SOS1: variants seen among roughly 807,000 people sequenced by gnomAD.
SOS1 encodes SOS Ras/Rac guanine nucleotide exchange factor 1, also known as son of sevenless homolog 1.
In SOS1, 25 loss-of-function variants were observed where a neutral mutation model predicts 157.6. That is an observed-to-expected ratio of 0.16 (90% CI 0.12 to 0.22). SOS1 has a LOEUF of 0.22. SOS1 is among the 10% of genes least tolerant of loss of function. The pLI, the probability that SOS1 is intolerant of heterozygous loss-of-function variation, is 1.00. For synonymous variants in SOS1, 528 were observed against 534.0 expected, an observed-to-expected ratio of 0.99 and a Z score of 0.16; for missense variants, 1,237 against 1,599.1, an observed-to-expected ratio of 0.77 and a Z score of 3.86.
chr2:39,020,286 G>A (rs973217985), intron 10 of SOS1, among the ~76,000 whole-genome samples: 1 of 151,654 alleles, frequency 6.6e-6, no homozygotes, highest in Admixed American at 6.6e-5. Context: ...CCACAGTGAA[G>A]TCTGAATAAA....
At chr2:38,995,813 GAT>G (rs530026408) in intron 19 of SOS1, among the ~76,000 whole-genome samples, 124 of 152,202 alleles carry the variant, frequency 8.1e-4, no homozygotes, top group African/African-American at 2.5e-3. Flanking sequence ...GACCATTTGA[GAT>G]ATTTACGAAT....
chr2:39,102,232 T>G (rs1160563832), intron 1 of SOS1, among the ~76,000 whole-genome samples: 56 of 18,298 alleles, frequency 3.1e-3, no homozygotes, highest in South Asian at 6.1e-3. Context: ...AAAAAAAAAG[T>G]GCCACTTTGT....
Position 38,989,299 on chromosome 2 carries a change from A to G in SOS1, c.3362T>C (p.Phe1121Ser). 1 of 1,607,216 alleles carries G rather than the reference A, an allele frequency of 6.2e-7. No individual in the cohort carries two copies. The highest frequency in any genetic ancestry group is 8.5e-7 in the Non-Finnish European group (1 of 1,174,022). ...GCCATGGGGCAGAGTAACTTGGATA[A>G]AGACGGTATCATTGCCTGTGAAAGG... ...SPFHSSNDTV[F>S]IQVTLPHGPR... is the part of the protein sequence containing the mutation. Residue 1121 changes from phenylalanine (F) to serine (S), a missense_variant, in exon 21 of 23, where the codon TTT (phenylalanine) becomes TCT (serine). By Grantham distance (155) the Phe-to-Ser change is radical. Around this residue, in one of 15 missense-constraint regions of SOS1, gnomAD observed 306 missense variants for 322.6 expected, o/e 0.95. Transcript: ENST00000402219.
intron 1 of SOS1, among the ~76,000 whole-genome samples, chr2:39,079,814 C>T (rs1172135907): frequency 6.6e-6 from 1 of 152,038 alleles, no homozygotes; most frequent in African/African-American, 2.4e-5. Flanking sequence ...ATTTTTTAAC[C>T]TGTATGTTAG....
At chr2:39,023,665 C>T (rs1669870380) in intron 9 of SOS1, 1 of 268,132 alleles carries the variant, frequency 3.7e-6, no homozygotes, top group Non-Finnish European at 7.1e-6. Context: ...GAATTAATGC[C>T]TCAAGTTATA....
At chr2:39,120,239 G>A in intron 1 of SOS1, 97 bp downstream of exon 1, 1 of 1,117,244 alleles carries the variant, frequency 9.0e-7, no homozygotes, top group South Asian at 1.8e-5. Context: ...AGACCGGGAA[G>A]AAAGACGGCC....
rs141953964 is a variant in SOS1 at position 39,024,278 on chromosome 2, A to C, written c.1075-141T>G. The C allele has an allele frequency of 4.0e-6, 3 of 745,548 alleles. No homozygotes were observed. In the African/African-American group the frequency reaches 5.3e-5, roughly 13 times the overall value. 46.2% of individuals were successfully genotyped at this position (745,548 alleles called of 1,614,324 possible). A position where few individuals can be genotyped will look rare whatever the true frequency, so the allele number is the denominator to read the frequency against. ...TGTGTCATCAAATATTCTTTTTAAA[A>C]GTGTTTTTCTTGTGTGTTACTATTA... On this transcript the variant is annotated intron_variant, in intron 8 of 22. Coordinates refer to ENST00000402219, the MANE Select transcript of SOS1 (RefSeq NM_005633.4).
chr2:39,023,076 G>C lies in SOS1; in HGVS notation c.1352C>G (p.Thr451Arg), dbSNP rs730880218. 8 of 1,613,668 alleles carry C rather than the reference G, an allele frequency of 5.0e-6. No individual in the cohort carries two copies. In the Admixed American group the frequency reaches 1.0e-4, roughly 20 times the overall value. ...CNEFIMEGTL[T>R]RVGAKHERHI... ...TCTCTCATGTTTGGCTCCTACACGT[G>C]TAAGAGTTCCTTCCATTATAAATTC... The change falls in exon 10 of 23, where the codon ACA (threonine) becomes AGA (arginine). Residue 451 changes from threonine to arginine, a missense_variant. Around this residue, in one of 15 missense-constraint regions of SOS1, gnomAD observed 210 missense variants for 220.2 expected, o/e 0.95. Coordinates refer to ENST00000402219, the MANE Select transcript of SOS1 (RefSeq NM_005633.4).
At chr2:39,015,687 A>G (rs1280639170) in intron 10 of SOS1, among the ~76,000 whole-genome samples, 2 of 151,806 alleles carry the variant, frequency 1.3e-5, no homozygotes, top group African/African-American at 4.8e-5. Context: ...AGCACAAGAG[A>G]CTTGGGCTGT....
chr2:39,048,325 T>A (rs575740330), intron 6 of SOS1, among the ~76,000 whole-genome samples: 1 of 152,240 alleles, frequency 6.6e-6, no homozygotes, highest in East Asian at 1.9e-4. Context: ...TTAACCTCTG[T>A]TGTTAAAGAG....
intron 1 of SOS1, among the ~76,000 whole-genome samples, chr2:39,096,713 G>A (rs1356795261): frequency 1.3e-5 from 2 of 151,940 alleles, no homozygotes; most frequent in African/African-American, 4.8e-5. Flanking sequence ...GTGAAACCCC[G>A]TCTCTACTAA....
chr2:39,089,745 T>A (rs72906454), intron 1 of SOS1, among the ~76,000 whole-genome samples: 5,350 of 152,080 alleles, frequency 0.035, 303 homozygotes, highest in African/African-American at 0.11. Flanking sequence ...GGTACTAGTA[T>A]AGTCAATCAA....
chr2:39,032,434 T>A (rs1670194083), intron 8 of SOS1, among the ~76,000 whole-genome samples: 1 of 152,232 alleles, frequency 6.6e-6, no homozygotes, highest in African/African-American at 2.4e-5. Flanking sequence ...ATATAAAATT[T>A]ACAGTTAAAC....
At chr2:39,121,366 G>C (rs553589502), upstream of SOS1, among the ~76,000 whole-genome samples, 1 of 152,300 alleles carries the variant, frequency 6.6e-6, no homozygotes, top group African/African-American at 2.4e-5. Context: ...CTTTGTTCCT[G>C]AACACGAAGA....
intron 20 of SOS1, among the ~76,000 whole-genome samples, chr2:38,991,499 A>G (rs1388357820): frequency 6.6e-6 from 1 of 152,196 alleles, no homozygotes; most frequent in African/African-American, 2.4e-5. Flanking sequence ...TCTCCTCTCT[A>G]TTATAGCAGC....
intron 11 of SOS1, 33 bp from the exon 12 acceptor site, chr2:39,014,022 C>G (rs1490568565): frequency 2.6e-6 from 4 of 1,519,888 alleles, no homozygotes; most frequent in Non-Finnish European, 3.6e-6. Context: ...AATGAAAAGA[C>G]TAATTATATC....
chr2:39,051,009 G>A (rs1358401496), intron 6 of SOS1, 135 bp downstream of exon 6: 1 of 822,764 alleles, frequency 1.2e-6, no homozygotes, highest in African/African-American at 1.7e-5. Flanking sequence ...ATGACCCTAT[G>A]AAAAAGGAGC....
Position 39,090,638 on chromosome 2 carries a change from T to C in SOS1, c.88-22885A>G, listed in dbSNP as rs184071296. Among the ~76,000 whole-genome samples the C allele has an allele frequency of 1.5e-3, 222 of 152,110 alleles. 1 individual carries two copies. The highest frequency in any genetic ancestry group is 4.6e-3 in the African/African-American group (192 of 41,544). ...TTGAACCTGGGAGGTGGAGGTTGCA[T>C]TGAGCCCAGATCGCGCCATTGCACT... is the stretch of plus-strand genomic sequence containing the variant. On this transcript the variant is annotated intron_variant, in intron 1 of 22. Coordinates refer to ENST00000402219, the MANE Select transcript of SOS1 (RefSeq NM_005633.4).
intron 21 of SOS1, 74 bp from the exon 22 acceptor site, chr2:38,987,665 C>A: frequency 1.3e-6 from 1 of 773,852 alleles, no homozygotes; most frequent in Non-Finnish European, 2.3e-6. Context: ...AAAGTCTTAG[C>A]TGGAAATTGC....
Sources: gnomAD v4.1 joint callset for allele counts (sites outside exome capture counted in the v4.1 genomes callset) on GRCh38, gnomAD v4.1.1 for gene constraint, gnomAD v4.1.1 regional missense constraint, MANE v1.5 for transcripts, NCBI Gene and HGNC (gene_info 2026-07-23, HGNC 2026-07-21) for gene names.